DAB1: variants seen among roughly 807,000 people sequenced by gnomAD.
DAB1 encodes the protein disabled homolog 1.
Under a neutral mutation model 64.6 loss-of-function variants are expected in DAB1, and 15 were observed. The observed-to-expected ratio is 0.23, with a 90% CI of 0.16 to 0.36. The LOEUF is 0.36. DAB1 is among the 10% of genes least tolerant of loss of function. The probability of loss-of-function intolerance (pLI) is 1.00; values close to 1 mark genes in which losing one functional copy is unlikely to be tolerated. For missense variants in DAB1, 596 were observed against 706.7 expected, an observed-to-expected ratio of 0.84 and a Z score of 1.78; for synonymous variants, 235 against 251.9, an observed-to-expected ratio of 0.93 and a Z score of 0.64.
At chr1:57,262,844 C>T (rs943826897) in intron 2 of DAB1, among the ~76,000 whole-genome samples, 6 of 152,166 alleles carry the variant, frequency 3.9e-5, no homozygotes, top group Admixed American at 3.9e-4. Context: ...AAAATATGGG[C>T]CCCGTGCCCT....
chr1:57,800,907 A>G (rs1651095307), intron 6 of DAB1, among the ~76,000 whole-genome samples: 1 of 152,188 alleles, frequency 6.6e-6, no homozygotes, highest in Admixed American at 6.5e-5. Context: ...TTATGGATTC[A>G]TTCATTTATT....
In DAB1 at chr1:57,658,877, CT is replaced by C. The variant is rs535041759; in HGVS notation, n.552-9213del. ...CCCTGCGCCCAGCCTCTTTGCTTTG[CT>C]CTTAATATTGGTAGACTATGGACCT... On this transcript the variant is annotated intron_variant and non_coding_transcript_variant, in intron 6 of 20. Coordinates refer to the DAB1 transcript ENST00000485760. Among the ~76,000 whole-genome samples the C allele has an allele frequency of 2.4e-3, 367 of 152,254 alleles. 2 individuals are homozygous for C. Among genetic ancestry groups the C allele is most frequent in the Non-Finnish European group, 4.4e-3 (299 of 68,008 alleles).
intron 5 of DAB1, among the ~76,000 whole-genome samples, chr1:58,110,046 AG>A (rs1651885448): frequency 6.6e-6 from 1 of 152,230 alleles, no homozygotes; most frequent in Non-Finnish European, 1.5e-5. Context: ...GACTCTCCCT[AG>A]AACTTTAAAA....
intron 5 of DAB1, among the ~76,000 whole-genome samples, chr1:58,080,468 C>T (rs940584344): frequency 4.6e-5 from 7 of 152,132 alleles, no homozygotes; most frequent in African/African-American, 1.2e-4. Context: ...ATAAAGATTC[C>T]GCTGGATACA....
intron 2 of DAB1, among the ~76,000 whole-genome samples, chr1:57,245,794 C>A (rs989302085): frequency 2.6e-5 from 4 of 152,160 alleles, no homozygotes; most frequent in Admixed American, 6.5e-5. Flanking sequence ...TGGGTATATA[C>A]CCAGTAATGG....
At chr1:57,232,194 G>A (rs140806432) in intron 2 of DAB1, among the ~76,000 whole-genome samples, 3,283 of 149,556 alleles carry the variant, frequency 0.022, 42 homozygotes, top group Non-Finnish European at 0.03. Context: ...CCAATAAGGA[G>A]ACTAATTGTC....
At chr1:57,695,658 G>T (rs1269988969) in intron 6 of DAB1, among the ~76,000 whole-genome samples, 2 of 152,078 alleles carry the variant, frequency 1.3e-5, no homozygotes, top group Non-Finnish European at 2.9e-5. Flanking sequence ...CCAGCACTTG[G>T]GGAGGCAGAG....
intron 1 of DAB1, chr1:58,533,873 A>G: frequency 1.3e-6 from 1 of 790,752 alleles, no homozygotes; most frequent in South Asian, 1.4e-5. Context: ...AAACCTGAAA[A>G]AAATCAGTTC....
At chr1:58,411,835 A>G (rs1232936914) in intron 3 of DAB1, among the ~76,000 whole-genome samples, 2 of 152,100 alleles carry the variant, frequency 1.3e-5, no homozygotes, top group Non-Finnish European at 2.9e-5. Context: ...TTGCAAATTT[A>G]TCTCTCTATT....
At chr1:58,484,315 T>C (rs10489816) in intron 3 of DAB1, among the ~76,000 whole-genome samples, 12,293 of 152,292 alleles carry the variant, frequency 0.081, 523 homozygotes, top group Middle Eastern at 0.16. Context: ...TTTGGAGATA[T>C]GTGAAGTCTA....
At chr1:57,732,634 T>C (rs1025271871) in intron 6 of DAB1, among the ~76,000 whole-genome samples, 1 of 152,170 alleles carries the variant, frequency 6.6e-6, no homozygotes, top group Non-Finnish European at 1.5e-5. Flanking sequence ...AAATCCATCA[T>C]CACCTGTGTG....
intron 3 of DAB1, among the ~76,000 whole-genome samples, chr1:58,395,487 T>A (rs1158641495): frequency 6.6e-6 from 1 of 152,242 alleles, no homozygotes; most frequent in Non-Finnish European, 1.5e-5. Context: ...ATGTGGACGC[T>A]TCTGCTGGTT....
intron 7 of DAB1, among the ~76,000 whole-genome samples, chr1:57,641,378 G>GCTTTT (rs1491296848): frequency 9.1e-6 from 1 of 109,804 alleles, no homozygotes; most frequent in Non-Finnish European, 1.8e-5. Flanking sequence ...TTTTTTTGTT[G>GCTTTT]GTTTTTTTTT....
chr1:57,721,278 C>A (rs1647147475), intron 6 of DAB1, among the ~76,000 whole-genome samples: 1 of 152,094 alleles, frequency 6.6e-6, no homozygotes, highest in Non-Finnish European at 1.5e-5. Flanking sequence ...CGGTTGCCTG[C>A]AGTTGAAAAA....
intron 1 of DAB1, among the ~76,000 whole-genome samples, chr1:57,367,379 G>A (rs1248222389): frequency 1.3e-5 from 2 of 152,058 alleles, no homozygotes; most frequent in Non-Finnish European, 2.9e-5. Flanking sequence ...TTTTTGTCTG[G>A]GGACCTGAGC....
At chr1:57,022,471 G>C (rs1472611691) in intron 11 of DAB1, among the ~76,000 whole-genome samples, 2 of 152,216 alleles carry the variant, frequency 1.3e-5, no homozygotes, top group Non-Finnish European at 2.9e-5. Context: ...TAAACTGTAA[G>C]TTAGATCCAA....
chr1:57,155,275 G>A (rs1318735612), intron 2 of DAB1, among the ~76,000 whole-genome samples: 1 of 152,084 alleles, frequency 6.6e-6, no homozygotes, highest in Non-Finnish European at 1.5e-5. Context: ...CCATTTATTA[G>A]AGAGACTTTT....
intron 1 of DAB1, among the ~76,000 whole-genome samples, chr1:57,307,538 G>T (rs1296697062): frequency 6.6e-6 from 1 of 150,540 alleles, no homozygotes; most frequent in African/African-American, 2.5e-5. Context: ...TTCTCCATCC[G>T]CTGAGTCTAG....
At chr1:57,488,744 C>T (rs2691462) in intron 7 of DAB1, among the ~76,000 whole-genome samples, 6,893 of 151,962 alleles carry the variant, frequency 0.045, 552 homozygotes, top group African/African-American at 0.16. Flanking sequence ...TGCCAGATAA[C>T]ATAAGAGAGT....
Sources: gnomAD v4.1 joint callset for allele counts (sites outside exome capture counted in the v4.1 genomes callset) on GRCh38, gnomAD v4.1.1 for gene constraint, MANE v1.5 for transcripts, NCBI Gene and HGNC (gene_info 2026-07-23, HGNC 2026-07-21) for gene names.